SDK1: variants seen among roughly 807,000 people sequenced by gnomAD.
SDK1 encodes protein sidekick-1.
Under a neutral mutation model 245.5 loss-of-function variants are expected in SDK1, and 157 were observed. The observed-to-expected ratio is 0.64, with a 90% CI of 0.56 to 0.73. SDK1 has a LOEUF of 0.73. SDK1 is among the 30% of genes least tolerant of loss of function. SDK1 has a pLI of 0.00. For missense variants in SDK1, 3,583 were observed against 3,002.3 expected, an observed-to-expected ratio of 1.19 and a Z score of -4.52; for synonymous variants, 1,647 against 1,278.5, an observed-to-expected ratio of 1.29 and a Z score of -6.15.
At chr7:3,754,087 G>T (rs1238747855) in intron 4 of SDK1, among the ~76,000 whole-genome samples, 1 of 152,178 alleles carries the variant, frequency 6.6e-6, no homozygotes, top group Non-Finnish European at 1.5e-5. Flanking sequence ...AGATGTTTTA[G>T]ATTAGCCAGT....
chr7:3,358,755 A>T (rs1286613822), intron 1 of SDK1, among the ~76,000 whole-genome samples: 1 of 152,214 alleles, frequency 6.6e-6, no homozygotes, highest in African/African-American at 2.4e-5. Context: ...CTTTATACGT[A>T]CTTGCGCTAC....
At chr7:3,972,842 G>C (rs1782596006) in intron 12 of SDK1, among the ~76,000 whole-genome samples, 1 of 152,182 alleles carries the variant, frequency 6.6e-6, no homozygotes, top group Non-Finnish European at 1.5e-5. Flanking sequence ...ATCCAAATTT[G>C]GTTTAGGTAC....
At chr7:4,256,206 C>T (rs1201328982) in intron 44 of SDK1, among the ~76,000 whole-genome samples, 1 of 152,238 alleles carries the variant, frequency 6.6e-6, no homozygotes, top group Non-Finnish European at 1.5e-5. Context: ...AGGCGTGAGC[C>T]ACTGCACCCA....
chr7:4,087,581 T>C (rs1416685665), intron 22 of SDK1, among the ~76,000 whole-genome samples: 2 of 152,198 alleles, frequency 1.3e-5, no homozygotes, highest in Non-Finnish European at 2.9e-5. Context: ...AGGATCATGC[T>C]ACCTCTTTTC....
At chr7:4,241,119 C>T (rs1320061766) in intron 42 of SDK1, among the ~76,000 whole-genome samples, 1 of 152,116 alleles carries the variant, frequency 6.6e-6, no homozygotes, top group African/African-American at 2.4e-5. Context: ...TGTAAATTTA[C>T]TCTTTTTTGA....
chr7:4,051,830 A>G lies in SDK1; in HGVS notation c.2911A>G (p.Lys971Glu). Residue 971 changes from lysine to glutamate, a missense_variant and splice_region_variant, in exon 19 of 45, where the codon AAA (lysine) becomes GAA (glutamate). By Grantham distance (56) the Lys-to-Glu change is moderately conservative. Coordinates refer to ENST00000404826, the MANE Select transcript of SDK1 (RefSeq NM_152744.4). ...TCAGCTGGTCTGGACTCAGGAAGAC[A>G]GTGAGTATTCCTTTCTGCGTGTCTC... ...TPQLVWTQED[K>E]PGAVGHLSFT... is the part of the protein sequence containing the mutation. The G allele has an allele frequency of 2.5e-6, 4 of 1,606,970 alleles. No homozygotes were observed. Among genetic ancestry groups the G allele is most frequent in the Non-Finnish European group, 3.4e-6 (4 of 1,175,504 alleles).
intron 35 of SDK1, among the ~76,000 whole-genome samples, chr7:4,195,236 A>T (rs1297934439): frequency 1.3e-5 from 2 of 152,210 alleles, no homozygotes; most frequent in Non-Finnish European, 2.9e-5. Flanking sequence ...CTCTTCTAGC[A>T]ACTCTGAAAT....
intron 1 of SDK1, among the ~76,000 whole-genome samples, chr7:3,420,855 C>T (rs1019889059): frequency 6.6e-6 from 1 of 152,106 alleles, no homozygotes; most frequent in African/African-American, 2.4e-5. Context: ...AACCCATCAC[C>T]AAGTATTAAA....
intron 1 of SDK1, among the ~76,000 whole-genome samples, chr7:3,462,722 T>A (rs1197915202): frequency 6.6e-6 from 1 of 152,076 alleles, no homozygotes. Flanking sequence ...CTCAAACACC[T>A]CTGTGATCTC....
intron 5 of SDK1, among the ~76,000 whole-genome samples, chr7:3,881,313 C>A (rs1053396242): frequency 6.6e-6 from 1 of 152,068 alleles, no homozygotes. Flanking sequence ...TCCATGTATT[C>A]TCATCGTTCA....
chr7:3,493,934 A>G (rs1321085321), intron 1 of SDK1, among the ~76,000 whole-genome samples: 3 of 152,246 alleles, frequency 2.0e-5, no homozygotes, highest in Non-Finnish European at 4.4e-5. Flanking sequence ...CAAGTCATCA[A>G]ATGTTTCAGT....
chr7:3,428,459 G>T (rs1779738350), intron 1 of SDK1, among the ~76,000 whole-genome samples: 1 of 152,148 alleles, frequency 6.6e-6, no homozygotes, highest in Non-Finnish European at 1.5e-5. Context: ...AAAAGTGGCA[G>T]AATTACATTA....
chr7:3,990,254 G>C (rs1438688161), intron 14 of SDK1, among the ~76,000 whole-genome samples: 1 of 152,248 alleles, frequency 6.6e-6, no homozygotes, highest in Non-Finnish European at 1.5e-5. Flanking sequence ...ACCTCGGAGT[G>C]AGGCCAGAGT....
At chr7:3,605,810 C>T (rs1353649200) in intron 1 of SDK1, among the ~76,000 whole-genome samples, 1 of 151,836 alleles carries the variant, frequency 6.6e-6, no homozygotes, top group African/African-American at 2.4e-5. Flanking sequence ...TTGAAATAGT[C>T]TAGGACATTT....
intron 5 of SDK1, among the ~76,000 whole-genome samples, chr7:3,890,157 G>T (rs1188938849): frequency 6.6e-6 from 1 of 152,212 alleles, no homozygotes; most frequent in Non-Finnish European, 1.5e-5. Flanking sequence ...GCAGGGACTA[G>T]AACTCTGTCC....
chr7:3,747,490 A>G (rs933120287), intron 4 of SDK1, among the ~76,000 whole-genome samples: 1 of 152,242 alleles, frequency 6.6e-6, no homozygotes, highest in Non-Finnish European at 1.5e-5. Context: ...GATTTTATTT[A>G]TAGTCATTCT....
rs575267838 is a variant in SDK1 at position 4,137,250 on chromosome 7, G to A, written c.4228+4827G>A. ...GCGGAGGTTGCAGTGAGCCAAGATC[G>A]TGCCACTGCACTCCAGCCTGGGTGA... On this transcript the variant is annotated intron_variant, in intron 28 of 44. Transcript: ENST00000404826. Among the ~76,000 whole-genome samples, 446 of 152,334 alleles carry A rather than the reference G, an allele frequency of 2.9e-3. 3 individuals are homozygous for A. The highest frequency in any genetic ancestry group is 9.9e-3 in the African/African-American group (411 of 41,576).
chr7:4,166,467 C>T (rs1362593232), intron 32 of SDK1, among the ~76,000 whole-genome samples: 1 of 152,252 alleles, frequency 6.6e-6, no homozygotes, highest in African/African-American at 2.4e-5. Flanking sequence ...TGCCAGGCCC[C>T]TGCAGTGAAA....
chr7:3,554,638 T>G (rs1779524047), intron 1 of SDK1, among the ~76,000 whole-genome samples: 5 of 152,212 alleles, frequency 3.3e-5, no homozygotes. Context: ...AGCATCATAC[T>G]AAGGAAAGAG....
Sources: gnomAD v4.1 joint callset for allele counts (sites outside exome capture counted in the v4.1 genomes callset) on GRCh38, gnomAD v4.1.1 for gene constraint, MANE v1.5 for transcripts, NCBI Gene and HGNC (gene_info 2026-07-23, HGNC 2026-07-21) for gene names.